Variants in DENND1A observed in about 807,000 individuals in gnomAD.
DENND1A encodes DENN domain containing 1A.
Under a neutral mutation model 113.7 loss-of-function variants are expected in DENND1A, and 51 were observed. The observed-to-expected ratio is 0.45, with a 90% CI of 0.36 to 0.57. The LOEUF is 0.57. Among genes scored for constraint, DENND1A ranks in the 20% least tolerant of loss-of-function variants. The probability of loss-of-function intolerance (pLI) is 0.00; values close to 1 mark genes in which losing one functional copy is unlikely to be tolerated. For missense variants in DENND1A, 1,258 were observed against 1,395.9 expected (o/e 0.90, Z 1.57); for synonymous variants, 565 against 570.8 (o/e 0.99, Z 0.14).
Position 123,913,461 on chromosome 9 carries a change from CA to C in DENND1A, c.17+16427del, listed in dbSNP as rs1181707991. 3.3e-5 allele frequency among the ~76,000 whole-genome samples: 5 copies of C among 151,966 alleles called. No individual in the cohort carries two copies. The East Asian group carries it at 7.7e-4, about 23-fold the overall frequency. Reference sequence around the variant, plus strand: ...TAACAGGAAGGTGGGAGGGAACCATCAGGGGTACAGGGAAGCCTGGAAAAAC... The same window carrying C: ...TAACAGGAAGGTGGGAGGGAACCATCGGGGTACAGGGAAGCCTGGAAAAAC... On this transcript the variant is annotated intron_variant, in intron 1 of 23. Transcript: ENST00000394215.
chr9:123,654,465 G>T (rs138025095), intron 8 of DENND1A, among the ~76,000 whole-genome samples: 1 of 151,994 alleles, frequency 6.6e-6, no homozygotes, highest in Non-Finnish European at 1.5e-5. Context: ...GAGACACAGC[G>T]TCAGAGACAA....
chr9:123,816,328 T>C (rs1450505430), intron 2 of DENND1A, among the ~76,000 whole-genome samples: 1 of 152,134 alleles, frequency 6.6e-6, no homozygotes, highest in Non-Finnish European at 1.5e-5. Flanking sequence ...AGTTCACTAA[T>C]TTCCCCAAGG....
chr9:123,671,350 G>GA lies in DENND1A; in HGVS notation c.393dup (p.Leu132SerfsTer2). The GA allele has an allele frequency of 6.2e-7, 1 of 1,613,992 alleles. No individual in the cohort carries two copies. The highest frequency in any genetic ancestry group is 8.5e-7 in the Non-Finnish European group (1 of 1,179,962). Reference sequence around the variant, plus strand: ...ATGGGAAGTTTGTGCAGAGTTTCAAGAAGCTCATTCCACTGATTTTCCTGA... The same window carrying GA: ...ATGGGAAGTTTGTGCAGAGTTTCAAGAAAGCTCATTCCACTGATTTTCCTGA... On this transcript the variant is annotated frameshift_variant, in exon 7 of 24. Coordinates refer to ENST00000394215, the MANE Select transcript of DENND1A (RefSeq NM_001352964.2). LOFTEE classifies it high-confidence loss of function.
At chr9:123,612,367 T>C (rs2060456712) in intron 10 of DENND1A, among the ~76,000 whole-genome samples, 1 of 152,344 alleles carries the variant, frequency 6.6e-6, no homozygotes, top group Non-Finnish European at 1.5e-5. Flanking sequence ...ACTCAGTTTC[T>C]TGGAACCTCT....
rs117760543 is a variant in DENND1A at position 123,573,655 on chromosome 9, C to T, written c.867+9514G>A. Among the ~76,000 whole-genome samples the T allele has an allele frequency of 4.2e-4, 64 of 152,202 alleles. No individual in the cohort carries two copies. The East Asian group carries it at 0.011, about 26-fold the overall frequency. ...TTGTATACTGACTTTATCCTGCACC[C>T]TTACTAAATTCATTTATGAGACTCC... is the stretch of plus-strand genomic sequence containing the variant. On this transcript the variant is annotated intron_variant, in intron 12 of 23. Transcript: ENST00000394215.
chr9:123,464,087 T>C (rs932704239), intron 13 of DENND1A, among the ~76,000 whole-genome samples: 4 of 152,022 alleles, frequency 2.6e-5, no homozygotes, highest in African/African-American at 9.7e-5. Context: ...AACAATAAAA[T>C]ACAAATTAAA....
At chr9:123,925,237 C>T (rs1419256132) in intron 1 of DENND1A, among the ~76,000 whole-genome samples, 3 of 152,184 alleles carry the variant, frequency 2.0e-5, no homozygotes, top group Middle Eastern at 3.4e-3. Flanking sequence ...TAATATGCCA[C>T]GTCCTCATAT....
intron 12 of DENND1A, among the ~76,000 whole-genome samples, chr9:123,571,630 T>C (rs975653387): frequency 6.6e-6 from 1 of 152,246 alleles, no homozygotes; most frequent in Non-Finnish European, 1.5e-5. Flanking sequence ...ATCAAACGTT[T>C]GTTACTACAG....
chr9:123,864,718 A>C (rs983678868), intron 2 of DENND1A, among the ~76,000 whole-genome samples: 1 of 152,152 alleles, frequency 6.6e-6, no homozygotes, highest in Non-Finnish European at 1.5e-5. Context: ...CTACCCATGA[A>C]TTTCCATTAA....
At chr9:123,599,509 T>C (rs148429068) in intron 11 of DENND1A, among the ~76,000 whole-genome samples, 75 of 152,356 alleles carry the variant, frequency 4.9e-4, no homozygotes, top group Admixed American at 1.1e-3. Context: ...CCTAGTAATG[T>C]TCATGGCACT....
chr9:123,807,826 T>C (rs1835855197), intron 2 of DENND1A, among the ~76,000 whole-genome samples: 1 of 152,208 alleles, frequency 6.6e-6, no homozygotes, highest in African/African-American at 2.4e-5. Flanking sequence ...CTCTACAAGG[T>C]AAGTGTTGCT....
intron 1 of DENND1A, among the ~76,000 whole-genome samples, chr9:123,902,737 A>AT (rs1851888432): frequency 6.6e-6 from 1 of 151,938 alleles, no homozygotes; most frequent in Non-Finnish European, 1.5e-5. Flanking sequence ...GAAAAAAAAA[A>AT]CACCACCTCT....
chr9:123,821,244 TATAA>T (rs1323856750), intron 2 of DENND1A, among the ~76,000 whole-genome samples: 3 of 152,316 alleles, frequency 2.0e-5, no homozygotes, highest in Admixed American at 6.5e-5. Flanking sequence ...TTCTCTTACA[TATAA>T]ATAGACAATA....
intron 2 of DENND1A, among the ~76,000 whole-genome samples, chr9:123,805,012 G>A (rs769235826): frequency 3.9e-5 from 6 of 151,972 alleles, no homozygotes; most frequent in Non-Finnish European, 5.9e-5. Context: ...CGCCTTGCTG[G>A]TCTGCTTGCT....
In DENND1A at chr9:123,768,110, C is replaced by T. The variant is rs539693523; in HGVS notation, c.182+1404G>A. Among the ~76,000 whole-genome samples, 20 of 152,286 alleles carry T rather than the reference C, an allele frequency of 1.3e-4. No individual in the cohort carries two copies. The South Asian group carries it at 3.9e-3, about 30-fold the overall frequency. The stretch of plus-strand genomic sequence containing the variant: ...AGAAGAGACAAGACGACTCCCATTA[C>T]AAAGACTGACCCTCTTAGAATTAAG... On this transcript the variant is annotated intron_variant, in intron 4 of 23. Coordinates refer to ENST00000394215, the MANE Select transcript of DENND1A (RefSeq NM_001352964.2).
chr9:123,810,509 C>T (rs953936966), intron 2 of DENND1A, among the ~76,000 whole-genome samples: 7 of 124,328 alleles, frequency 5.6e-5, no homozygotes, highest in East Asian at 4.7e-4. Context: ...CTCAAGAGAT[C>T]GAGACCAGCC....
At position 123,383,730 on chromosome 9, in the gene DENND1A, C is replaced by G. The variant is rs1000385483; in HGVS notation, c.1944G>C (p.Leu648=). ...GGTCCTCTAAGCTCTTGGCCTGGCCCAGTGGCTGCAGTGCGGCCTCCATGT... is the reference window on the plus strand; with the variant it reads ...GGTCCTCTAAGCTCTTGGCCTGGCCGAGTGGCTGCAGTGCGGCCTCCATGT... ...NLDMEAALQP[L]GQAKSLEDLR... The change falls in exon 23 of 24, where the codon CTG becomes CTC. Residue 648 remains leucine (L), a synonymous_variant. Coordinates refer to ENST00000394215, the MANE Select transcript of DENND1A (RefSeq NM_001352964.2). 7 of 1,614,188 alleles carry G rather than the reference C, an allele frequency of 4.3e-6. No homozygotes were observed. In the Admixed American group the frequency reaches 1.2e-4, roughly 27 times the overall value.
intron 13 of DENND1A, among the ~76,000 whole-genome samples, chr9:123,532,531 T>A (rs925289126): frequency 6.6e-6 from 1 of 152,200 alleles, no homozygotes; most frequent in African/African-American, 2.4e-5. Flanking sequence ...TAGTCTTACC[T>A]CAATCTGTCA....
chr9:123,477,203 C>T (rs967153532), intron 13 of DENND1A, among the ~76,000 whole-genome samples: 2 of 152,138 alleles, frequency 1.3e-5, no homozygotes, highest in South Asian at 2.1e-4. Context: ...CCTAATGGGA[C>T]GTGAGAGCAA....
Sources: allele counts gnomAD v4.1 joint callset (sites outside exome capture counted in the v4.1 genomes callset), GRCh38; gene constraint gnomAD v4.1.1; transcripts MANE v1.5; gene names NCBI Gene and HGNC (gene_info 2026-07-23, HGNC 2026-07-21).